Variants in CERS4 observed in about 807,000 individuals in gnomAD.
CERS4 encodes the protein ceramide synthase 4, also known as LAG1 homolog, ceramide synthase 4.
Under a neutral mutation model 51.8 loss-of-function variants are expected in CERS4, and 65 were observed. That is an observed-to-expected ratio of 1.26 (90% CI 1.03 to 1.54). The LOEUF is 1.54. Among genes scored for constraint, CERS4 ranks in the 40% most tolerant of loss-of-function variants. The pLI, the probability that CERS4 is intolerant of heterozygous loss-of-function variation, is 0.00. For synonymous variants in CERS4, 228 were observed against 208.4 expected (o/e 1.09, Z -0.81); for missense variants, 563 against 500.4 (o/e 1.13, Z -1.19).
At chr19:8,216,830 T>G (rs1205372132) in intron 2 of CERS4, among the ~76,000 whole-genome samples, 1 of 151,844 alleles carries the variant, frequency 6.6e-6, no homozygotes, top group Non-Finnish European at 1.5e-5. Flanking sequence ...GCGGATGGCG[T>G]TGGGGGTAGC....
At chr19:8,217,534 A>AAT (rs1967350354) in intron 2 of CERS4, among the ~76,000 whole-genome samples, 1 of 148,500 alleles carries the variant, frequency 6.7e-6, no homozygotes, top group Admixed American at 6.7e-5. Context: ...ACACCTGGCT[A>AAT]ATGTTTTTTT....
chr19:8,238,596 A>G, intron 2 of CERS4: 3 of 985,290 alleles, frequency 3.0e-6, no homozygotes, highest in Non-Finnish European at 3.6e-6. Flanking sequence ...TCCTTCCCAC[A>G]GCAGGCACCA....
chr19:8,213,500 G>T (rs1188649657), intron 2 of CERS4, among the ~76,000 whole-genome samples: 1 of 152,144 alleles, frequency 6.6e-6, no homozygotes, highest in Non-Finnish European at 1.5e-5. Flanking sequence ...ATGGACAGGG[G>T]TCTTACTATG....
At chr19:8,232,864 A>G (rs572304290) in intron 2 of CERS4, among the ~76,000 whole-genome samples, 2 of 148,268 alleles carry the variant, frequency 1.3e-5, no homozygotes, top group East Asian at 4.0e-4. Flanking sequence ...CTAGGACTAC[A>G]GGGAGACACC....
At chr19:8,237,106 G>A (rs929737917) in intron 2 of CERS4, among the ~76,000 whole-genome samples, 3 of 150,436 alleles carry the variant, frequency 2.0e-5, no homozygotes, top group African/African-American at 7.4e-5. Flanking sequence ...ACAGTTATCT[G>A]CCCCAGGAAC....
intron 2 of CERS4, chr19:8,214,636 TGAG>T (rs1158084694): frequency 6.6e-6 from 1 of 152,148 alleles, no homozygotes; most frequent in Non-Finnish European, 1.5e-5. Context: ...CAAGGGGACT[TGAG>T]GAGTGAAAGG....
chr19:8,221,022 T>G (rs1248516110), intron 2 of CERS4, among the ~76,000 whole-genome samples: 2 of 151,800 alleles, frequency 1.3e-5, no homozygotes, highest in African/African-American at 4.8e-5. Context: ...AGACGGGGTT[T>G]CACCCTGTTA....
chr19:8,255,738 T>C lies in CERS4; in HGVS notation c.410+13T>C. 1 of 1,403,628 alleles carries C rather than the reference T, an allele frequency of 7.1e-7. No individual in the cohort carries two copies. Among genetic ancestry groups the C allele is most frequent in the South Asian group, 1.2e-5 (1 of 86,392 alleles). 86.9% of individuals were successfully genotyped at this position (1,403,628 alleles called of 1,614,324 possible). ...TCTGTGAGGCCAGGTAAGCCCAGGA[T>C]GGGGCTTCTGGGGTGCAGGGAAGCG... is the stretch of plus-strand genomic sequence containing the variant. On this transcript the variant is annotated intron_variant, in intron 5 of 11. Coordinates refer to ENST00000251363, the MANE Select transcript of CERS4 (RefSeq NM_024552.3).
chr19:8,212,927 T>G (rs889463887), intron 2 of CERS4, among the ~76,000 whole-genome samples: 1 of 151,728 alleles, frequency 6.6e-6, no homozygotes, highest in Non-Finnish European at 1.5e-5. Context: ...GGATTACAGG[T>G]GTGAGCCACT....
chr19:8,251,503 C>T (rs1969079084), intron 3 of CERS4, among the ~76,000 whole-genome samples: 1 of 152,194 alleles, frequency 6.6e-6, no homozygotes, highest in Non-Finnish European at 1.5e-5. Context: ...CTGGGTATGC[C>T]AGCATCTTCA....
chr19:8,223,474 C>T (rs1160942352), intron 2 of CERS4, among the ~76,000 whole-genome samples: 1 of 151,854 alleles, frequency 6.6e-6, no homozygotes, highest in African/African-American at 2.4e-5. Context: ...ACAAAAGTAG[C>T]TGGGCATGGT....
chr19:8,237,001 T>TC (rs1568515098), intron 2 of CERS4, among the ~76,000 whole-genome samples: 10 of 8,096 alleles, frequency 1.2e-3, no homozygotes, highest in Middle Eastern at 0.056. Context: ...AGACTCTGTC[T>TC]CAAAAAAAAA....
In CERS4 at chr19:8,257,938, C is replaced by T. The variant is rs1461438383; in HGVS notation, c.801C>T (p.Ile267=). The change falls in exon 10 of 12, where the codon ATC becomes ATT. Residue 267 remains isoleucine (I), a synonymous_variant. Coordinates refer to ENST00000251363, the MANE Select transcript of CERS4 (RefSeq NM_024552.3). ...AAGTGTGCGACGCTCTCTTCCTCATCTTCTCCTTTGTCTTCTTCTACACCC... is the reference window on the plus strand; with the variant it reads ...AAGTGTGCGACGCTCTCTTCCTCATTTTCTCCTTTGTCTTCTTCTACACCC... ...YQQVCDALFL[I]FSFVFFYTRL... The T allele has an allele frequency of 2.5e-6, 4 of 1,614,004 alleles. No individual in the cohort carries two copies. In the African/African-American group the frequency reaches 4.0e-5, roughly 16 times the overall value.
rs992533946 is a variant in CERS4 at position 8,261,278 on chromosome 19, C to A, written c.849-410C>A. ...ATGGAGCCCTGCTCCCTGTGTCTTC[C>A]TGGGAGATGAGGCCCCACCGCCTGC... On this transcript the variant is annotated intron_variant, in intron 10 of 11. Transcript: ENST00000251363. The A allele has an allele frequency of 5.4e-5, 10 of 184,162 alleles. No individual in the cohort carries two copies. In the Admixed American group the frequency reaches 5.6e-4, roughly 10 times the overall value. The allele number at this position is 184,162 out of a possible 1,614,324, so 11.4% of individuals were successfully genotyped here. A position where few individuals can be genotyped will look rare whatever the true frequency, so the allele number is the denominator to read the frequency against.
Position 8,235,003 on chromosome 19 carries a change from C to G in CERS4, c.-1-16073C>G, listed in dbSNP as rs1292378508. Among the ~76,000 whole-genome samples the G allele has an allele frequency of 1.2e-4, 14 of 116,174 alleles. 1 individual carries two copies. The highest frequency in any genetic ancestry group is 1.2e-3 in the Admixed American group (14 of 11,754). 76.2% of individuals were successfully genotyped at this position (116,174 alleles called of 152,430 possible). ...ATATTGTATCTTTCTCTTTTTCTTT[C>G]TTTCTTTCTTTTTTTTTTTTTTCAG... is the stretch of plus-strand genomic sequence containing the variant. On this transcript the variant is annotated intron_variant, in intron 2 of 11. Transcript: ENST00000251363.
Position 8,261,777 on chromosome 19 carries a change from AGCT to A in CERS4, c.944_946del (p.Leu315del), listed in dbSNP as rs1291509441. ...TTCAACGGGCTTCTGATGTTGCTGC[AGCT>A]GCTGCACGTGTTCTGGTCTTGCCTC... On this transcript the variant is annotated inframe_deletion, in exon 11 of 12. Coordinates refer to ENST00000251363, the MANE Select transcript of CERS4 (RefSeq NM_024552.3). The A allele has an allele frequency of 6.2e-7, 1 of 1,614,022 alleles. No individual in the cohort carries two copies. The highest frequency in any genetic ancestry group is 1.3e-5 in the African/African-American group (1 of 74,896).
At chr19:8,237,694 CA>C (rs1054246618) in intron 2 of CERS4, among the ~76,000 whole-genome samples, 49 of 151,896 alleles carry the variant, frequency 3.2e-4, no homozygotes, top group African/African-American at 1.1e-3. Flanking sequence ...ACTAAAAATA[CA>C]AAAAAATTAG....
chr19:8,256,020 GA>G (rs1969361715), intron 6 of CERS4, 141 bp downstream of exon 6: 1 of 1,012,328 alleles, frequency 9.9e-7, no homozygotes, highest in East Asian at 2.5e-5. Flanking sequence ...AGATGGTGGT[GA>G]ATGTTCACTC....
At chr19:8,240,927 G>C (rs760877512) in intron 2 of CERS4, among the ~76,000 whole-genome samples, 1 of 150,832 alleles carries the variant, frequency 6.6e-6, no homozygotes, top group Non-Finnish European at 1.5e-5. Flanking sequence ...CACTAAGAAG[G>C]ATTATCAGTT....
Sources: gnomAD v4.1 joint callset for allele counts (sites outside exome capture counted in the v4.1 genomes callset) on GRCh38, gnomAD v4.1.1 for gene constraint, MANE v1.5 for transcripts, NCBI Gene and HGNC (gene_info 2026-07-23, HGNC 2026-07-21) for gene names.